Variants in SGO1 observed in about 807,000 individuals in gnomAD.
SGO1 encodes shugoshin 1.
In SGO1, 39 loss-of-function variants were observed where a neutral mutation model predicts 50.5. That is an observed-to-expected ratio of 0.77 (90% CI 0.60 to 1.01). The LOEUF is 1.01. Among genes scored for constraint, SGO1 ranks in the 50% least tolerant of loss-of-function variants. The probability of loss-of-function intolerance (pLI) is 0.00; values close to 1 mark genes in which losing one functional copy is unlikely to be tolerated. For missense variants in SGO1, 638 were observed against 606.0 expected, an observed-to-expected ratio of 1.05 and a Z score of -0.55; for synonymous variants, 191 against 205.1, an observed-to-expected ratio of 0.93 and a Z score of 0.59.
downstream of SGO1, among the ~76,000 whole-genome samples, chr3:20,165,417 A>G (rs1265205698): frequency 6.6e-6 from 1 of 152,356 alleles, no homozygotes; most frequent in Admixed American, 6.5e-5. Flanking sequence ...ATTGTAGCAG[A>G]TATAAAGCAA....
At chr3:20,161,049 A>C in exon 9 of SGO1, 4 of 1,609,352 alleles carry the variant, frequency 2.5e-6, no homozygotes, top group Non-Finnish European at 3.4e-6. Flanking sequence ...AGGTCTGCAT[A>C]CATTAGTGAA....
chr3:20,176,581 T>C lies in SGO1; in HGVS notation c.475+20A>G, dbSNP rs752644875. 4.0e-5 allele frequency: 60 copies of C among 1,489,824 alleles called. No individual in the cohort carries two copies. The Middle Eastern group carries it at 2.6e-3, about 64-fold the overall frequency. The allele number at this position is 1,489,824 out of a possible 1,614,324, so 92.3% of individuals were successfully genotyped here. On this transcript the variant is annotated intron_variant, in intron 5 of 7. Coordinates refer to ENST00000412997, the MANE Select transcript of SGO1 (RefSeq NM_001199251.3). ...CTTATTTTGCCCTTAATAATATTTTTAGATTTTCACTTGAATTACCTTCTA... is the reference window on the plus strand; with the variant it reads ...CTTATTTTGCCCTTAATAATATTTTCAGATTTTCACTTGAATTACCTTCTA...
intron 8 of SGO1, among the ~76,000 whole-genome samples, chr3:20,163,670 T>C (rs1700154447): frequency 6.6e-6 from 1 of 152,132 alleles, no homozygotes; most frequent in African/African-American, 2.4e-5. Flanking sequence ...TGTGGCAAAG[T>C]TATCTTTGGG....
downstream of SGO1, among the ~76,000 whole-genome samples, chr3:20,166,007 T>C (rs369890358): frequency 2.8e-4 from 43 of 152,040 alleles, no homozygotes; most frequent in African/African-American, 1.0e-3. Flanking sequence ...GAGCCAAGAT[T>C]GTACCACTGC....
chr3:20,161,032 C>G (rs191550560), exon 9 of SGO1: 1 of 1,600,420 alleles, frequency 6.2e-7, no homozygotes, highest in Admixed American at 1.7e-5. Flanking sequence ...AAGCTAGAAT[C>G]TATTAAAGGT....
At chr3:20,166,842 CAAAAAAAAAAAAAAAAA>C (rs58288144), downstream of SGO1, among the ~76,000 whole-genome samples, 2 of 42,736 alleles carry the variant, frequency 4.7e-5, no homozygotes, top group African/African-American at 9.7e-5. Context: ...CCATCTCTAC[CAAAAAAAAAAAAAAAAA>C]AAAAAAAAAA....
intron 6 of SGO1, 138 bp downstream of exon 6, chr3:20,174,111 T>C: frequency 2.8e-6 from 2 of 705,604 alleles, no homozygotes; most frequent in Non-Finnish European, 4.8e-6. Context: ...AATCAGACCA[T>C]AACTTCCACC....
chr3:20,172,764 C>T (rs1467412979), intron 6 of SGO1, among the ~76,000 whole-genome samples: 1 of 128,592 alleles, frequency 7.8e-6, no homozygotes, highest in East Asian at 2.3e-4. Context: ...ACCCTGGCAA[C>T]ACAGTGAGAC....
intron 8 of SGO1, among the ~76,000 whole-genome samples, chr3:20,164,403 C>T (rs1189855300): frequency 6.6e-6 from 1 of 151,878 alleles, no homozygotes; most frequent in Non-Finnish European, 1.5e-5. Context: ...GGAAAAAAAC[C>T]TCCCAGCAAA....
rs1702379667 is a variant in SGO1, at chr3:20,184,363, T to G, written c.-7-329A>C. 2.0e-5 allele frequency among the ~76,000 whole-genome samples: 3 copies of G among 152,342 alleles called. No homozygotes were observed. The South Asian group carries it at 6.2e-4, about 32-fold the overall frequency. On this transcript the variant is annotated intron_variant, in intron 1 of 7. Transcript: ENST00000412997. ...CAGACACTATTGAAAATGCTTATTA[T>G]TATATTTTGATGCATTATTTACACT...
At chr3:20,166,664 T>C (rs1700319276), downstream of SGO1, among the ~76,000 whole-genome samples, 1 of 151,914 alleles carries the variant, frequency 6.6e-6, no homozygotes, top group South Asian at 2.1e-4. Context: ...GTAGTGATGG[T>C]TGCACAATCA....
intron 4 of SGO1, 70 bp downstream of exon 4, chr3:20,178,201 T>C: frequency 9.0e-7 from 1 of 1,106,098 alleles, no homozygotes; most frequent in South Asian, 1.3e-5. Context: ...GCACATTTCC[T>C]TTCATAAATG....
chr3:20,172,508 A>C (rs1382692135), intron 6 of SGO1, among the ~76,000 whole-genome samples: 2 of 151,674 alleles, frequency 1.3e-5, no homozygotes, highest in East Asian at 1.9e-4. Flanking sequence ...TTTCAAAAAA[A>C]AAAAAAAAAA....
rs1171498546 is a variant in SGO1, at chr3:20,178,365, C to G, written c.340-18G>C. Reference sequence around the variant, plus strand: ...TCCTGGTTCTGTTAATGTATTAAAACAAAACACTGTTATAACTGAAGTATT... The same window carrying G: ...TCCTGGTTCTGTTAATGTATTAAAAGAAAACACTGTTATAACTGAAGTATT... On this transcript the variant is annotated intron_variant, in intron 3 of 7. Transcript: ENST00000412997. 2 of 1,543,066 alleles carry G rather than the reference C, an allele frequency of 1.3e-6. No homozygotes were observed. The highest frequency in any genetic ancestry group is 1.7e-5 in the Admixed American group (1 of 59,718).
At chr3:20,173,436 G>C (rs780718226) in intron 6 of SGO1, among the ~76,000 whole-genome samples, 17 of 152,092 alleles carry the variant, frequency 1.1e-4, no homozygotes, top group African/African-American at 4.1e-4. Flanking sequence ...CAACCCGCCC[G>C]GCTTACAGCA....
At chr3:20,164,030 C>A (rs766522939) in intron 8 of SGO1, among the ~76,000 whole-genome samples, 103 of 152,260 alleles carry the variant, frequency 6.8e-4, no homozygotes, top group Non-Finnish European at 1.2e-3. Context: ...TCAATCTACA[C>A]AAACTGTTTC....
downstream of SGO1, chr3:20,169,366 C>G (rs1315023101): frequency 1.0e-6 from 1 of 984,586 alleles, no homozygotes; most frequent in Non-Finnish European, 1.2e-6. Flanking sequence ...CTAGAACACC[C>G]CCCCCTCAAA....
In SGO1 at chr3:20,170,381, A is replaced by T; in HGVS notation, c.*323T>A. 3.2e-6 allele frequency: 3 copies of T among 936,702 alleles called. No homozygotes were observed. The highest frequency in any genetic ancestry group is 3.8e-6 in the Non-Finnish European group (3 of 785,152). 58.0% of individuals were successfully genotyped at this position (936,702 alleles called of 1,614,324 possible). Reference sequence around the variant, plus strand: ...CCATTGCACTCCAGCCTGGGCAACAAGAATGAAATTCCGCCTCCAAAAAAA... The same window carrying T: ...CCATTGCACTCCAGCCTGGGCAACATGAATGAAATTCCGCCTCCAAAAAAA... On this transcript the variant is annotated 3_prime_UTR_variant, in exon 8 of 8. Coordinates refer to ENST00000412997, the MANE Select transcript of SGO1 (RefSeq NM_001199251.3).
intron 6 of SGO1, 105 bp from the exon 7 acceptor site, chr3:20,171,337 T>C: frequency 1.0e-6 from 1 of 962,806 alleles, no homozygotes; most frequent in Non-Finnish European, 1.5e-6. Flanking sequence ...AATCCAGCAT[T>C]TAATAATAGA....
Sources: gnomAD v4.1 joint callset for allele counts (sites outside exome capture counted in the v4.1 genomes callset) on GRCh38, gnomAD v4.1.1 for gene constraint, MANE v1.5 for transcripts, NCBI Gene and HGNC (gene_info 2026-07-23, HGNC 2026-07-21) for gene names.